Variants in L3MBTL1 observed in about 807,000 individuals in gnomAD.
L3MBTL1 encodes L3MBTL histone methyl-lysine binding protein 1.
Under a neutral mutation model 105.3 loss-of-function variants are expected in L3MBTL1, and 75 were observed. The ratio of observed to expected loss-of-function variants is 0.71; its 90% CI spans 0.59 to 0.86. The LOEUF (loss-of-function observed/expected upper bound fraction) is 0.86, where lower values mean the gene tolerates loss of function less well. L3MBTL1 is among the 40% of genes least tolerant of loss of function. The pLI is 0.00. For synonymous variants in L3MBTL1, 452 were observed against 436.2 expected (o/e 1.04, Z -0.45); for missense variants, 1,069 against 1,126.4 (o/e 0.95, Z 0.73).
chr20:43,528,741 A>G lies in L3MBTL1; in HGVS notation c.947A>G (p.Gln316Arg), dbSNP rs1180656103. 1 of 1,612,808 alleles carries G rather than the reference A, an allele frequency of 6.2e-7. No individual in the cohort carries two copies. Among genetic ancestry groups the G allele is most frequent in the East Asian group, 2.2e-5 (1 of 44,880 alleles). Reference sequence around the variant, plus strand: ...ATTACTGCTCCAGTCAGCCTCTTCCAGGACGTGAGTTGGACAATTTCCCCG... The same window carrying G: ...ATTACTGCTCCAGTCAGCCTCTTCCGGGACGTGAGTTGGACAATTTCCCCG... The part of the protein sequence containing the change: ...KAITAPVSLF[Q>R]DSQAVTHNKN... The change falls in exon 8 of 22, where the codon CAG (glutamine) becomes CGG (arginine). Residue 316 changes from glutamine (Q) to arginine (R), a missense_variant. Transcript: ENST00000418998.
chr20:43,514,278 C>G (rs1401684575), intron 3 of L3MBTL1: 1 of 796,652 alleles, frequency 1.3e-6, no homozygotes, highest in Non-Finnish European at 1.9e-6. Flanking sequence ...GTGAGGCACT[C>G]TGGGACTGGG....
rs1385455148 is a variant in L3MBTL1 at position 43,515,063 on chromosome 20, A to C, written c.557A>C (p.Asp186Ala). 4 of 1,614,004 alleles carry C rather than the reference A, an allele frequency of 2.5e-6. No homozygotes were observed. The African/African-American group carries it at 4.0e-5, about 16-fold the overall frequency. Residue 186 changes from aspartate (D) to alanine (A), a missense_variant, in exon 5 of 22, where the codon GAT becomes GCT. Physicochemically the swap from Asp to Ala is moderately radical, Grantham distance 126. Coordinates refer to ENST00000418998, the MANE Select transcript of L3MBTL1 (RefSeq NM_001377303.1). The part of the protein sequence containing the change: ...EDPNQDPPED[D>A]STCQCQACGP... ...CCCAATCAGGACCCCCCAGAGGATG[A>C]TAGCACCTGTCAGTGCCAGGCGTGC... is the stretch of plus-strand genomic sequence containing the variant.
At chr20:43,534,130 G>A (rs745388755) in intron 14 of L3MBTL1, 37 bp downstream of exon 14, 1 of 1,584,648 alleles carries the variant, frequency 6.3e-7, no homozygotes, top group Non-Finnish European at 8.7e-7. Flanking sequence ...GCTGAGCTCA[G>A]AAAGACATGG....
At position 43,532,916 on chromosome 20, in the gene L3MBTL1, T is replaced by C. The variant is rs201640833; in HGVS notation, c.1428T>C (p.Tyr476=). The C allele has an allele frequency of 2.5e-6, 4 of 1,614,110 alleles. No individual in the cohort carries two copies. The highest frequency in any genetic ancestry group is 2.2e-5 in the South Asian group (2 of 91,086). ...LVHFDNWDDT[Y]DYWCDPSSPY... The stretch of plus-strand genomic sequence containing the variant: ...ACTTTGACAACTGGGATGATACTTA[T>C]GACTACTGGTAGTAGGAGGGCCCAG... The change falls in exon 12 of 22, where the codon TAT becomes TAC. Residue 476 remains tyrosine, a synonymous_variant. Transcript: ENST00000418998.
downstream of L3MBTL1, among the ~76,000 whole-genome samples, chr20:43,546,348 C>G (rs1978598940): frequency 6.6e-6 from 1 of 152,174 alleles, no homozygotes; most frequent in South Asian, 2.1e-4. Flanking sequence ...GATACCCCTA[C>G]CCAGCTCTCA....
At chr20:43,526,822 G>A (rs987703395) in intron 7 of L3MBTL1, among the ~76,000 whole-genome samples, 1 of 152,136 alleles carries the variant, frequency 6.6e-6, no homozygotes, top group African/African-American at 2.4e-5. Context: ...GTAGTGGTGG[G>A]CACCTGTAAT....
At chr20:43,529,131 C>G in intron 8 of L3MBTL1, 133 bp from the exon 9 acceptor site, 1 of 663,046 alleles carries the variant, frequency 1.5e-6, no homozygotes, top group Non-Finnish European at 2.7e-6. Context: ...CCTGTAGTAA[C>G]GATCCCCAAA....
intron 11 of L3MBTL1, 157 bp from the exon 12 acceptor site, chr20:43,532,616 C>T: frequency 2.7e-6 from 2 of 752,460 alleles, no homozygotes; most frequent in Non-Finnish European, 2.1e-6. Flanking sequence ...TATGATTCTG[C>T]CCTGGAGGGC....
rs777445362 is a variant in L3MBTL1, at chr20:43,536,075, A to C, written c.1926-22A>C. 6.8e-6 allele frequency: 11 copies of C among 1,612,002 alleles called. No individual in the cohort carries two copies. The Middle Eastern group carries it at 1.3e-3, about 193-fold the overall frequency. On this transcript the variant is annotated intron_variant, in intron 17 of 21. Transcript: ENST00000418998. Reference sequence around the variant, plus strand: ...AGCGGGGACCAGTGGATTAAACCCAACTGAAGTCTCTTCTTCCCCAGGAAG... The same window carrying C: ...AGCGGGGACCAGTGGATTAAACCCACCTGAAGTCTCTTCTTCCCCAGGAAG...
downstream of L3MBTL1, among the ~76,000 whole-genome samples, chr20:43,543,797 A>T (rs759799256): frequency 6.6e-6 from 1 of 152,194 alleles, no homozygotes; most frequent in Non-Finnish European, 1.5e-5. Flanking sequence ...AGATGGTCTT[A>T]TGGTTGTTCT....
intron 1 of L3MBTL1, 77 bp from the exon 2 acceptor site, chr20:43,513,399 C>G (rs2018190811): frequency 7.1e-7 from 1 of 1,416,002 alleles, no homozygotes; most frequent in South Asian, 1.4e-5. Flanking sequence ...CAAAGAAGCC[C>G]CATCCCTTCA....
downstream of L3MBTL1, among the ~76,000 whole-genome samples, chr20:43,543,814 G>A (rs949894462): frequency 6.6e-6 from 1 of 152,198 alleles, no homozygotes; most frequent in Non-Finnish European, 1.5e-5. Flanking sequence ...TTCTGTACTG[G>A]TGGCCCTAAA....
At chr20:43,543,107 T>G (rs1051066423), downstream of L3MBTL1, among the ~76,000 whole-genome samples, 2 of 41,438 alleles carry the variant, frequency 4.8e-5, no homozygotes, top group Non-Finnish European at 1.6e-4. Context: ...CACCACTGAG[T>G]TTTTTTTTTT....
At chr20:43,520,038 T>A (rs2018626430) in intron 7 of L3MBTL1, among the ~76,000 whole-genome samples, 1 of 152,192 alleles carries the variant, frequency 6.6e-6, no homozygotes, top group Admixed American at 6.5e-5. Context: ...CCAAAACATT[T>A]CCATCACTCC....
chr20:43,541,056 C>T lies in L3MBTL1; in HGVS notation c.2517C>T (p.Val839=), dbSNP rs533017524. The T allele has an allele frequency of 4.3e-6, 7 of 1,614,130 alleles. No individual in the cohort carries two copies. The highest frequency in any genetic ancestry group is 1.7e-4 in the Middle Eastern group (1 of 6,060). The change falls in exon 22 of 22, where the codon GTC becomes GTT. Residue 839 remains valine (V), a synonymous_variant. Transcript: ENST00000418998. ...QEGKGILETG[V]HSLLCSLPTH... ...GAAAAGGCATCCTGGAGACAGGAGT[C>T]CATTCACTCCTCTGCTCTCTACCCA...
At position 43,529,102 on chromosome 20, in the gene L3MBTL1, C is replaced by G. The variant is rs1355852992; in HGVS notation, c.952-162C>G. 6.7e-6 allele frequency: 4 copies of G among 595,118 alleles called. No homozygotes were observed. In the East Asian group the frequency reaches 8.6e-5, roughly 13 times the overall value. The allele number at this position is 595,118 out of a possible 1,614,324, so 36.9% of individuals were successfully genotyped here. On this transcript the variant is annotated intron_variant, in intron 8 of 21. Coordinates refer to ENST00000418998, the MANE Select transcript of L3MBTL1 (RefSeq NM_001377303.1). ...TTTCAAGGGACCTGGGAGATATTCT[C>G]TCTCTCTCTCTCTAGATCCCTGTAG... is the stretch of plus-strand genomic sequence containing the variant.
In L3MBTL1 at chr20:43,522,780, C is replaced by CT. The variant is rs541049478; in HGVS notation, c.863-5857dup. Among the ~76,000 whole-genome samples, 593 of 118,078 alleles carry CT rather than the reference C, an allele frequency of 5.0e-3. 13 individuals carry two copies. The East Asian group carries it at 0.052, about 10-fold the overall frequency. The allele number at this position is 118,078 out of a possible 152,430, so 77.5% of individuals were successfully genotyped here. A position where few individuals can be genotyped will look rare whatever the true frequency, so the allele number is the denominator to read the frequency against. On this transcript the variant is annotated intron_variant, in intron 7 of 21. Coordinates refer to ENST00000418998, the MANE Select transcript of L3MBTL1 (RefSeq NM_001377303.1). ...AGCCACTGTGCCCGGCCAACGGTGTCTTTTTTTTTTTTTTTTTTTTCCTAA... is the reference window on the plus strand; with the variant it reads ...AGCCACTGTGCCCGGCCAACGGTGTCTTTTTTTTTTTTTTTTTTTTTCCTAA...
intron 7 of L3MBTL1, among the ~76,000 whole-genome samples, chr20:43,518,634 C>T (rs1483707869): frequency 3.3e-5 from 5 of 152,044 alleles, no homozygotes; most frequent in Non-Finnish European, 4.4e-5. Context: ...CCCCAGTGGA[C>T]GCTTGAAACC....
intron 19 of L3MBTL1, among the ~76,000 whole-genome samples, chr20:43,537,233 C>G (rs2019677149): frequency 6.6e-6 from 1 of 152,224 alleles, no homozygotes; most frequent in African/African-American, 2.4e-5. Flanking sequence ...ACAAAAATAC[C>G]ATAGACTGGG....
Sources: gnomAD v4.1 joint callset for allele counts (sites outside exome capture counted in the v4.1 genomes callset) on GRCh38, gnomAD v4.1.1 for gene constraint, MANE v1.5 for transcripts, NCBI Gene and HGNC (gene_info 2026-07-23, HGNC 2026-07-21) for gene names.